URB1: variants seen among roughly 807,000 people sequenced by gnomAD.
URB1 encodes nucleolar pre-ribosomal-associated protein 1.
In URB1, 197 loss-of-function variants were observed where a neutral mutation model predicts 242.3. The ratio of observed to expected loss-of-function variants is 0.81; its 90% CI spans 0.72 to 0.91. The LOEUF is 0.91. Ranked by LOEUF, URB1 falls within the 40% of genes least tolerant of loss-of-function variation. The pLI, the probability that URB1 is intolerant of heterozygous loss-of-function variation, is 0.00. For synonymous variants in URB1, 1,153 were observed against 1,201.8 expected, an observed-to-expected ratio of 0.96 and a Z score of 0.84; for missense variants, 2,721 against 2,860.5, an observed-to-expected ratio of 0.95 and a Z score of 1.11.
chr21:32,325,061 G>A (rs555385071), intron 31 of URB1, among the ~76,000 whole-genome samples, 168 bp downstream of exon 31: 1 of 152,188 alleles, frequency 6.6e-6, no homozygotes, highest in East Asian at 1.9e-4. Context: ...GGCGACCTCC[G>A]GGATCACCTC....
chr21:32,314,366 G>C lies in URB1; in HGVS notation c.*552C>G. 1.9e-6 allele frequency: 1 copy of C among 529,754 alleles called. No individual in the cohort carries two copies. Among genetic ancestry groups the C allele is most frequent in the Non-Finnish European group, 3.5e-6 (1 of 285,972 alleles). 32.8% of individuals were successfully genotyped at this position (529,754 alleles called of 1,614,324 possible). On this transcript the variant is annotated 3_prime_UTR_variant, in exon 39 of 39. Transcript: ENST00000382751. ...TGCCTGGCTAATTTTTGTATTTTTA[G>C]TAGAGATGGGGTTTCACCATGTTGG...
intron 35 of URB1, among the ~76,000 whole-genome samples, chr21:32,319,772 C>G (rs1279982856): frequency 6.6e-6 from 1 of 152,202 alleles, no homozygotes; most frequent in Non-Finnish European, 1.5e-5. Context: ...AATACACATT[C>G]TAATTTTGGA....
chr21:32,333,690 C>T (rs1160601071), intron 29 of URB1, among the ~76,000 whole-genome samples: 1 of 152,124 alleles, frequency 6.6e-6, no homozygotes, highest in Non-Finnish European at 1.5e-5. Context: ...TACACTGACC[C>T]TCAGGAAAGC....
Position 32,391,841 on chromosome 21 carries a change from C to T in URB1, c.142+928G>A, listed in dbSNP as rs998478906. On this transcript the variant is annotated intron_variant, in intron 1 of 38. Transcript: ENST00000382751. ...CAGCCTGGACAACATAGTGAGATTC[C>T]ATCTCTACAAAAAGTAAAAAAAAAA... 2.8e-5 allele frequency among the ~76,000 whole-genome samples: 4 copies of T among 142,090 alleles called. No homozygotes were observed. In the East Asian group the frequency reaches 6.2e-4, roughly 22 times the overall value. The allele number at this position is 142,090 out of a possible 152,430, so 93.2% of individuals were successfully genotyped here.
intron 10 of URB1, 36 bp from the exon 11 acceptor site, chr21:32,363,365 T>C: frequency 6.5e-7 from 1 of 1,541,464 alleles, no homozygotes; most frequent in East Asian, 2.4e-5. Flanking sequence ...CACATGTCTC[T>C]AGGATACACA....
intron 38 of URB1, among the ~76,000 whole-genome samples, chr21:32,316,170 T>C (rs907860560): frequency 6.8e-3 from 1 of 146 alleles, no homozygotes; most frequent in African/African-American, 0.019. Flanking sequence ...CAGAAACCCA[T>C]TGCCTGCGGG....
At chr21:32,334,123 G>C (rs1163218530) in intron 29 of URB1, 40 bp downstream of exon 29, 2 of 1,497,974 alleles carry the variant, frequency 1.3e-6, no homozygotes, top group Middle Eastern at 3.8e-4. Context: ...CTGAGGCTGG[G>C]GTGAAGGGGT....
At position 32,316,518 on chromosome 21, in the gene URB1, G is replaced by A; in HGVS notation, c.6582C>T (p.Ala2194=). ...QGRAGSPFHP[A]MEALSLSSLS... Reference sequence around the variant, plus strand: ...GAGAAGACAGGGAGAGGGCTTCCATGGCCGGGTGGAAGGGGCTCCCTGCCC... The same window carrying A: ...GAGAAGACAGGGAGAGGGCTTCCATAGCCGGGTGGAAGGGGCTCCCTGCCC... Residue 2194 remains alanine (A), a synonymous_variant, in exon 38 of 39, where the codon GCC becomes GCT. Coordinates refer to ENST00000382751, the MANE Select transcript of URB1 (RefSeq NM_014825.3). 6.5e-7 allele frequency: 1 copy of A among 1,548,708 alleles called. No homozygotes were observed. Among genetic ancestry groups the A allele is most frequent in the South Asian group, 1.2e-5 (1 of 83,632 alleles).
At chr21:32,353,306 C>T (rs62216162) in intron 18 of URB1, among the ~76,000 whole-genome samples, 162 of 152,254 alleles carry the variant, frequency 1.1e-3, no homozygotes, top group Admixed American at 2.0e-3. Flanking sequence ...CTTGACTGTC[C>T]ACCCTTTCCA....
intron 14 of URB1, 97 bp downstream of exon 14, chr21:32,359,699 C>T (rs1312894654): frequency 1.1e-5 from 12 of 1,063,130 alleles, no homozygotes; most frequent in Non-Finnish European, 1.4e-5. Context: ...CGTCTTGCCC[C>T]GTCAGGTTCT....
chr21:32,350,860 G>T lies in URB1; in HGVS notation c.2676C>A (p.Ala892=). 1 of 1,550,902 alleles carries T rather than the reference G, an allele frequency of 6.4e-7. No individual in the cohort carries two copies. Residue 892 remains alanine (A), a synonymous_variant, in exon 20 of 39, where the codon GCC becomes GCA. Coordinates refer to ENST00000382751, the MANE Select transcript of URB1 (RefSeq NM_014825.3). ...GGCTCTCGTAGGCTGCCTGCAGCAG[G>T]GCTGTGAAGGACGAGGCCAAGGGAA... ...PALPLASSFT[A]LLQAAYESQA... is the part of the protein sequence containing the mutation.
chr21:32,345,841 T>C (rs770451839), intron 22 of URB1, among the ~76,000 whole-genome samples: 8 of 152,150 alleles, frequency 5.3e-5, no homozygotes, highest in Non-Finnish European at 7.4e-5. Context: ...ATAGACGCTA[T>C]TTCTAAGCTC....
In URB1 at chr21:32,317,796, C is replaced by T; in HGVS notation, c.5914G>A (p.Val1972Met). The change falls in exon 37 of 39, where the codon GTG (valine) becomes ATG (methionine). Residue 1972 changes from valine to methionine, a missense_variant. Physicochemically the swap from Val to Met is conservative, Grantham distance 21. Coordinates refer to ENST00000382751, the MANE Select transcript of URB1 (RefSeq NM_014825.3). ...DMNRFTVNETVLSTKDVLVLL... is the reference protein window; with the variant it reads ...DMNRFTVNETMLSTKDVLVLL... ...ACAAGGACGTCCTTGGTGGAAAGCA[C>T]TGTCTCATTTACGGTGAATCTGTTC... 6.4e-7 allele frequency: 1 copy of T among 1,551,990 alleles called. No individual in the cohort carries two copies. The highest frequency in any genetic ancestry group is 1.2e-5 in the South Asian group (1 of 84,060).
intron 1 of URB1, among the ~76,000 whole-genome samples, chr21:32,388,369 CG>C (rs2033604923): frequency 6.6e-6 from 1 of 152,208 alleles, no homozygotes; most frequent in African/African-American, 2.4e-5. Context: ...AGCAGCCCCC[CG>C]GGTGTCCTCA....
At chr21:32,331,093 A>G (rs1391846823) in intron 30 of URB1, among the ~76,000 whole-genome samples, 1 of 152,250 alleles carries the variant, frequency 6.6e-6, no homozygotes, top group African/African-American at 2.4e-5. Flanking sequence ...ATGTCTCCCC[A>G]GTGCACCTAA....
chr21:32,324,640 C>A (rs756102266), intron 31 of URB1, 38 bp from the exon 32 acceptor site: 2 of 1,469,156 alleles, frequency 1.4e-6, no homozygotes, highest in Non-Finnish European at 1.9e-6. Context: ...GTAAGATGAG[C>A]GTGTTCAGAG....
intron 8 of URB1, among the ~76,000 whole-genome samples, chr21:32,369,399 T>C (rs1434283630): frequency 2.0e-5 from 3 of 152,142 alleles, no homozygotes; most frequent in African/African-American, 7.2e-5. Context: ...TATGTGAGTG[T>C]GAGTGTAAAA....
At chr21:32,337,697 C>A (rs902390432) in intron 26 of URB1, among the ~76,000 whole-genome samples, 183 bp from the exon 27 acceptor site, 23 of 151,506 alleles carry the variant, frequency 1.5e-4, no homozygotes, top group East Asian at 1.4e-3. Flanking sequence ...ATTTTCTTTT[C>A]TTTTTTTCTT....
At chr21:32,388,808 G>A (rs923873322) in intron 1 of URB1, among the ~76,000 whole-genome samples, 2 of 152,198 alleles carry the variant, frequency 1.3e-5, no homozygotes, top group South Asian at 4.1e-4. Flanking sequence ...GCATTCCAGA[G>A]TATTACAGGG....
Sources: gnomAD v4.1 joint callset for allele counts (sites outside exome capture counted in the v4.1 genomes callset) on GRCh38, gnomAD v4.1.1 for gene constraint, MANE v1.5 for transcripts, NCBI Gene and HGNC (gene_info 2026-07-23, HGNC 2026-07-21) for gene names.